The following CTNND2 variants were observed in gnomAD, a reference collection of about 807,000 sequenced individuals.
CTNND2 encodes the protein catenin delta-2.
In CTNND2, 22 loss-of-function variants were observed where a neutral mutation model predicts 144.4. The ratio of observed to expected loss-of-function variants is 0.15; its 90% confidence interval spans 0.11 to 0.22. The LOEUF (loss-of-function observed/expected upper bound fraction) is 0.22. CTNND2 is among the 10% of genes least tolerant of loss of function. CTNND2 has a pLI of 1.00. For missense variants in CTNND2, 1,353 were observed against 1,618.8 expected, an observed-to-expected ratio of 0.84 and a Z score of 2.82; for synonymous variants, 751 against 695.6, an observed-to-expected ratio of 1.08 and a Z score of -1.25.
chr5:11,251,316 C>A (rs923545310), intron 9 of CTNND2, among the ~76,000 whole-genome samples: 2 of 152,200 alleles, frequency 1.3e-5, no homozygotes, highest in African/African-American at 4.8e-5. Context: ...TACATCCTAA[C>A]ATGTCCGTGC....
chr5:11,754,150 A>T (rs1225144884), intron 1 of CTNND2, among the ~76,000 whole-genome samples: 4 of 151,220 alleles, frequency 2.6e-5, no homozygotes, highest in Non-Finnish European at 4.4e-5. Context: ...TCCTTTGTGT[A>T]ACATTTTTTT....
At chr5:11,344,654 C>G (rs1490685601) in intron 9 of CTNND2, among the ~76,000 whole-genome samples, 1 of 151,898 alleles carries the variant, frequency 6.6e-6, no homozygotes, top group Non-Finnish European at 1.5e-5. Context: ...TTGACGCATA[C>G]AAAAGCTTAG....
chr5:11,638,774 A>C (rs1194187245), intron 2 of CTNND2, among the ~76,000 whole-genome samples: 1 of 152,042 alleles, frequency 6.6e-6, no homozygotes, highest in Non-Finnish European at 1.5e-5. Context: ...TGGTTTCACT[A>C]TGTTGACCAG....
At chr5:11,426,299 A>G (rs10052643) in intron 3 of CTNND2, among the ~76,000 whole-genome samples, 16,105 of 152,204 alleles carry the variant, frequency 0.11, 2,083 homozygotes, top group African/African-American at 0.31. Context: ...CATCTTATCA[A>G]TAGCCTGAGT....
At chr5:11,515,244 C>G (rs1353087517) in intron 3 of CTNND2, among the ~76,000 whole-genome samples, 2 of 152,044 alleles carry the variant, frequency 1.3e-5, no homozygotes, top group Non-Finnish European at 1.5e-5. Flanking sequence ...AAATATCAGT[C>G]CATTCATTTC....
intron 18 of CTNND2, among the ~76,000 whole-genome samples, chr5:11,016,295 A>G (rs1256480659): frequency 6.6e-6 from 1 of 152,220 alleles, no homozygotes; most frequent in African/African-American, 2.4e-5. Flanking sequence ...CTTAGGGAAC[A>G]GGAAAATTTT....
intron 3 of CTNND2, among the ~76,000 whole-genome samples, chr5:11,452,367 A>G (rs1765379359): frequency 6.6e-6 from 1 of 152,216 alleles, no homozygotes; most frequent in Non-Finnish European, 1.5e-5. Flanking sequence ...AATATACCCC[A>G]AAGTAAGAAT....
chr5:11,361,742 ATTC>A (rs1482552151), intron 8 of CTNND2, among the ~76,000 whole-genome samples: 1 of 152,086 alleles, frequency 6.6e-6, no homozygotes, highest in African/African-American at 2.4e-5. Flanking sequence ...CCAGCCCTTT[ATTC>A]TTCATCCTAC....
rs566664809 is a variant in CTNND2 at position 11,870,149 on chromosome 5, C to T, written c.37+33668G>A. 9.2e-5 allele frequency among the ~76,000 whole-genome samples: 14 copies of T among 152,262 alleles called. No homozygotes were observed. In the South Asian group the frequency reaches 2.7e-3, roughly 29 times the overall value. ...AGCACTGCGATAGGGGTTGGGTCCA[C>T]GGAAAGCCTCTGCAAATCTACATCA... On this transcript the variant is annotated intron_variant, in intron 1 of 21. Transcript: ENST00000304623.
At chr5:11,250,363 C>A (rs1160016363) in intron 9 of CTNND2, among the ~76,000 whole-genome samples, 1 of 150,448 alleles carries the variant, frequency 6.6e-6, no homozygotes, top group African/African-American at 2.4e-5. Context: ...CTTAGACTAG[C>A]CTTTTTCTTA....
intron 5 of CTNND2, among the ~76,000 whole-genome samples, chr5:11,399,805 C>T (rs1351703775): frequency 6.6e-6 from 1 of 152,200 alleles, no homozygotes; most frequent in Non-Finnish European, 1.5e-5. Context: ...CAGAATATTA[C>T]AACACTGACA....
At chr5:11,445,984 G>A (rs367983842) in intron 3 of CTNND2, among the ~76,000 whole-genome samples, 7 of 152,144 alleles carry the variant, frequency 4.6e-5, no homozygotes, top group African/African-American at 1.7e-4. Context: ...TTTGTTTTTT[G>A]TTTTGAGATG....
chr5:10,986,775 T>G, intron 20 of CTNND2: 1 of 430,164 alleles, frequency 2.3e-6, no homozygotes, highest in Non-Finnish European at 4.6e-6. Flanking sequence ...CCGTTTATTA[T>G]AGTTTTCTTT....
At chr5:11,281,131 T>C (rs531462468) in intron 9 of CTNND2, among the ~76,000 whole-genome samples, 6 of 152,304 alleles carry the variant, frequency 3.9e-5, no homozygotes, top group African/African-American at 1.2e-4. Flanking sequence ...ACATTTTATG[T>C]TTTCGGCCTT....
intron 1 of CTNND2, among the ~76,000 whole-genome samples, chr5:11,831,772 C>T (rs935814047): frequency 4.0e-5 from 6 of 151,832 alleles, no homozygotes. Flanking sequence ...GAAAGTCTTC[C>T]TAACAACTGA....
intron 3 of CTNND2, among the ~76,000 whole-genome samples, chr5:11,482,762 G>C (rs566472081): frequency 7.9e-5 from 12 of 152,256 alleles, no homozygotes; most frequent in Non-Finnish European, 1.3e-4. Flanking sequence ...CCAGGAGACT[G>C]TTGTAGCAAA....
chr5:11,803,757 C>A (rs2126892778), intron 1 of CTNND2, among the ~76,000 whole-genome samples: 1 of 152,292 alleles, frequency 6.6e-6, no homozygotes, highest in South Asian at 2.1e-4. Flanking sequence ...TCCTACGACC[C>A]ATTGAATTTT....
At chr5:11,500,286 C>A (rs1431490221) in intron 3 of CTNND2, among the ~76,000 whole-genome samples, 1 of 152,126 alleles carries the variant, frequency 6.6e-6, no homozygotes, top group Non-Finnish European at 1.5e-5. Flanking sequence ...TAACACATGG[C>A]AAGCTCTTAA....
chr5:11,154,683 A>G (rs1334168569), intron 12 of CTNND2, among the ~76,000 whole-genome samples: 1 of 152,150 alleles, frequency 6.6e-6, no homozygotes, highest in Non-Finnish European at 1.5e-5. Context: ...AGTACCACAA[A>G]CTGGGTGGCT....
Sources: allele counts gnomAD v4.1 joint callset (sites outside exome capture counted in the v4.1 genomes callset), GRCh38; gene constraint gnomAD v4.1.1; transcripts MANE v1.5; gene names NCBI Gene and HGNC (gene_info 2026-07-23, HGNC 2026-07-21).